Variants in SHOC2 observed in about 807,000 individuals in gnomAD.
SHOC2 encodes SHOC2 leucine rich repeat scaffold protein, also known as leucine-rich repeat protein SHOC-2.
A neutral mutation model predicts 50.2 loss-of-function variants in SHOC2; 4 were observed. The observed-to-expected ratio is 0.08, with a 90% CI of 0.04 to 0.18. The LOEUF is 0.18. Ranked by LOEUF, SHOC2 falls within the 10% of genes least tolerant of loss-of-function variation. The pLI is 1.00. For synonymous variants in SHOC2, 218 were observed against 244.5 expected, an observed-to-expected ratio of 0.89 and a Z score of 1.01; for missense variants, 388 against 669.6, an observed-to-expected ratio of 0.58 and a Z score of 4.64.
At chr10:110,967,520 C>G (rs1847699421) in intron 2 of SHOC2, among the ~76,000 whole-genome samples, 1 of 152,060 alleles carries the variant, frequency 6.6e-6, no homozygotes, top group African/African-American at 2.4e-5. Flanking sequence ...ATAAACAATT[C>G]AGTGGTTTTT....
chr10:110,993,311 G>A (rs1028228751), intron 3 of SHOC2, among the ~76,000 whole-genome samples: 1 of 152,218 alleles, frequency 6.6e-6, no homozygotes, highest in African/African-American at 2.4e-5. Flanking sequence ...TGAAACCACT[G>A]CAGAGGGTGA....
At chr10:110,938,886 A>G in intron 1 of SHOC2, among the ~76,000 whole-genome samples, 1 of 152,208 alleles carries the variant, frequency 6.6e-6, no homozygotes, top group Admixed American at 6.5e-5. Flanking sequence ...CTGTCCCAGG[A>G]TGTAAATATA....
rs78924774 is a variant in SHOC2, at chr10:110,922,246, A to G, written c.-235+2589A>G. On this transcript the variant is annotated intron_variant, in intron 1 of 8. Coordinates refer to ENST00000369452, the MANE Select transcript of SHOC2 (RefSeq NM_007373.4). ...TCAGAGAGACATAAACTGGAATTCTATGTGGAATGTTTCCAAAGATGGCTT... is the reference window on the plus strand; with the variant it reads ...TCAGAGAGACATAAACTGGAATTCTGTGTGGAATGTTTCCAAAGATGGCTT... Among the ~76,000 whole-genome samples, 204 of 152,260 alleles carry G rather than the reference A, an allele frequency of 1.3e-3. 3 individuals are homozygous for G. In the East Asian group the frequency reaches 0.035, roughly 26 times the overall value.
At chr10:111,008,184 G>A (rs1161802128) in intron 6 of SHOC2, among the ~76,000 whole-genome samples, 1 of 144,668 alleles carries the variant, frequency 6.9e-6, no homozygotes, top group Non-Finnish European at 1.5e-5. Context: ...TTTTCTTTTA[G>A]TATGTTTTTC....
intron 1 of SHOC2, among the ~76,000 whole-genome samples, chr10:110,934,925 C>G (rs1451602402): frequency 6.6e-6 from 1 of 152,138 alleles, no homozygotes; most frequent in Non-Finnish European, 1.5e-5. Flanking sequence ...TAAAGTAAAT[C>G]TTTCTCCCAC....
chr10:110,926,692 T>G (rs1283879378), intron 1 of SHOC2, among the ~76,000 whole-genome samples: 1 of 152,244 alleles, frequency 6.6e-6, no homozygotes, highest in Admixed American at 6.5e-5. Context: ...AATAATGATC[T>G]AGGATCATGA....
intron 1 of SHOC2, among the ~76,000 whole-genome samples, chr10:110,963,239 A>C (rs753665894): frequency 4.6e-5 from 7 of 152,188 alleles, no homozygotes. Context: ...ATATTTTACT[A>C]ATCTTTTTGT....
At chr10:110,936,371 G>A (rs1847010983) in intron 1 of SHOC2, among the ~76,000 whole-genome samples, 1 of 151,748 alleles carries the variant, frequency 6.6e-6, no homozygotes, top group South Asian at 2.1e-4. Flanking sequence ...CCAAAGTGCT[G>A]GTATTACAGG....
At position 110,964,331 on chromosome 10, in the gene SHOC2, T is replaced by G. The variant is rs1488897527; in HGVS notation, c.-28T>G. 8.7e-6 allele frequency: 14 copies of G among 1,609,094 alleles called. No homozygotes were observed. The highest frequency in any genetic ancestry group is 1.2e-5 in the Non-Finnish European group (14 of 1,177,520). ...ATTACTGGAAAATAAAAGGAGTTCA[T>G]GTAGTTTTTGTCCAGGCTTGAGTCA... On this transcript the variant is annotated 5_prime_UTR_variant, in exon 2 of 9. It removes an upstream start codon present in the reference 5' UTR. Coordinates refer to ENST00000369452, the MANE Select transcript of SHOC2 (RefSeq NM_007373.4). The surrounding 1 kb of genome is among the most constrained non-coding windows in gnomAD (Gnocchi z 4.9).
At position 110,941,314 on chromosome 10, in the gene SHOC2, ATTATT is replaced by A. The variant is rs1488535523; in HGVS notation, c.-235+21659_-235+21663del. Among the ~76,000 whole-genome samples, 3 of 150,324 alleles carry A rather than the reference ATTATT, an allele frequency of 2.0e-5. No homozygotes were observed. In the East Asian group the frequency reaches 6.0e-4, roughly 30 times the overall value. ...GAGTCTTTGCCCATTTTCTGCTTGTATTATTTCTTTTATTAATGTTGAGTTTTTGT... is the reference window on the plus strand; with the variant it reads ...GAGTCTTTGCCCATTTTCTGCTTGTATCTTTTATTAATGTTGAGTTTTTGT... On this transcript the variant is annotated intron_variant, in intron 1 of 8. Transcript: ENST00000369452.
chr10:110,981,105 CT>C (rs1322061966), intron 2 of SHOC2, among the ~76,000 whole-genome samples: 2 of 152,102 alleles, frequency 1.3e-5, no homozygotes, highest in East Asian at 3.9e-4. Flanking sequence ...AGATAAAGAA[CT>C]TTGTGAATGG....
At chr10:110,936,991 C>T (rs1401167350) in intron 1 of SHOC2, 2 of 1,467,330 alleles carry the variant, frequency 1.4e-6, no homozygotes, top group South Asian at 1.1e-5. Flanking sequence ...GCACAGTCAG[C>T]CAGAAGATGG....
chr10:110,940,349 C>T (rs116876373), intron 1 of SHOC2, among the ~76,000 whole-genome samples: 24 of 152,040 alleles, frequency 1.6e-4, no homozygotes, highest in African/African-American at 5.6e-4. Flanking sequence ...TTCAGAGATG[C>T]GTAACTCTCA....
chr10:110,995,741 A>G (rs1420780130), intron 3 of SHOC2, among the ~76,000 whole-genome samples: 1 of 152,126 alleles, frequency 6.6e-6, no homozygotes, highest in Non-Finnish European at 1.5e-5. Context: ...TAAAACCACC[A>G]TACTCATTTT....
At chr10:110,962,059 G>T (rs1040444339) in intron 1 of SHOC2, among the ~76,000 whole-genome samples, 1 of 151,866 alleles carries the variant, frequency 6.6e-6, no homozygotes, top group Non-Finnish European at 1.5e-5. Flanking sequence ...CTCAGGTCAC[G>T]TATTTTCTTT....
At chr10:110,986,108 T>C (rs78068062) in intron 3 of SHOC2, among the ~76,000 whole-genome samples, 153 of 152,330 alleles carry the variant, frequency 1.0e-3, no homozygotes, top group African/African-American at 3.6e-3. Flanking sequence ...CTTTCTTTGC[T>C]AAAGTATTCC....
At chr10:110,995,574 A>C (rs1848254917) in intron 3 of SHOC2, among the ~76,000 whole-genome samples, 1 of 152,218 alleles carries the variant, frequency 6.6e-6, no homozygotes, top group Non-Finnish European at 1.5e-5. Context: ...GAGCCAACCA[A>C]GTTGGATTCA....
In SHOC2 at chr10:111,000,484, C is replaced by T. The variant is rs759211899; in HGVS notation, c.911C>T (p.Ala304Val). The stretch of plus-strand genomic sequence containing the variant: ...CTGTCAGCAATACCCAGATCATTAG[C>T]AAAATGCAGTGCACTTGAAGAATTA... ...NRLSAIPRSL[A>V]KCSALEELNL... The change falls in exon 4 of 9, where the codon GCA (alanine) becomes GTA (valine). Residue 304 changes from alanine (A) to valine (V), a missense_variant. Ala to Val is a moderately conservative substitution (Grantham distance 64, BLOSUM62 0). This residue lies in a region of SHOC2 where 48 missense variants were observed against 151.6 expected (regional missense o/e 0.32). Coordinates refer to ENST00000369452, the MANE Select transcript of SHOC2 (RefSeq NM_007373.4). The T allele has an allele frequency of 1.4e-5, 23 of 1,611,582 alleles. No individual in the cohort carries two copies. Among genetic ancestry groups the T allele is most frequent in the Non-Finnish European group, 2.0e-5 (23 of 1,177,836 alleles).
intron 4 of SHOC2, among the ~76,000 whole-genome samples, chr10:111,002,125 T>C (rs73345954): frequency 6.6e-6 from 1 of 152,282 alleles, no homozygotes; most frequent in African/African-American, 2.4e-5. Context: ...TAATAATTCC[T>C]GGGTACCTAT....
Sources: allele counts gnomAD v4.1 joint callset (sites outside exome capture counted in the v4.1 genomes callset), GRCh38; gene constraint gnomAD v4.1.1; regional missense constraint gnomAD v4.1.1; non-coding constraint Gnocchi (gnomAD v3.1); transcripts MANE v1.5; gene names NCBI Gene and HGNC (gene_info 2026-07-23, HGNC 2026-07-21).